Variants in REEP5 observed in about 807,000 individuals in gnomAD.
REEP5 encodes the protein receptor expression-enhancing protein 5.
REEP5 carries 24 observed loss-of-function variants against 22.4 expected under a neutral mutation model. The ratio of observed to expected loss-of-function variants is 1.07; its 90% CI spans 0.78 to 1.51. REEP5 has a LOEUF of 1.51. Among genes scored for constraint, REEP5 ranks in the 40% most tolerant of loss-of-function variants. REEP5 has a pLI of 0.00. For synonymous variants in REEP5, 103 were observed against 88.6 expected, an observed-to-expected ratio of 1.16 and a Z score of -0.92; for missense variants, 252 against 233.0, an observed-to-expected ratio of 1.08 and a Z score of -0.53.
intron 3 of REEP5, among the ~76,000 whole-genome samples, chr5:112,888,969 G>C (rs1271687559): frequency 2.0e-5 from 3 of 150,884 alleles, no homozygotes; most frequent in Non-Finnish European, 2.9e-5. Flanking sequence ...TAGTGAATAA[G>C]TCTCACGAGA....
At chr5:112,902,281 C>T (rs1243024140) in intron 3 of REEP5, 99 bp downstream of exon 3, 40 of 1,235,510 alleles carry the variant, frequency 3.2e-5, no homozygotes, top group Non-Finnish European at 4.4e-5. Context: ...TGTTTATAAT[C>T]TGAGACAGAG....
chr5:112,906,386 G>C (rs768456920), intron 2 of REEP5, among the ~76,000 whole-genome samples: 1 of 152,196 alleles, frequency 6.6e-6, no homozygotes, highest in Non-Finnish European at 1.5e-5. Flanking sequence ...TGGCAAGCTG[G>C]ATAGCACTCA....
At chr5:112,891,754 G>A (rs773520400) in intron 3 of REEP5, 5 of 1,614,118 alleles carry the variant, frequency 3.1e-6, no homozygotes, top group Admixed American at 1.7e-5. Flanking sequence ...ACGTCGGCAG[G>A]AACTTGCTCG....
At chr5:112,911,569 G>A (rs868678075) in intron 2 of REEP5, among the ~76,000 whole-genome samples, 1 of 152,170 alleles carries the variant, frequency 6.6e-6, no homozygotes, top group South Asian at 2.1e-4. Context: ...ACTTTTACAA[G>A]TTCTTAATTC....
intron 4 of REEP5, among the ~76,000 whole-genome samples, chr5:112,879,767 T>C (rs1049371598): frequency 6.6e-6 from 1 of 151,798 alleles, no homozygotes; most frequent in African/African-American, 2.4e-5. Context: ...TAAGCCACCA[T>C]GCCCGGCCTC....
chr5:112,916,168 G>A (rs1343594308), intron 2 of REEP5, among the ~76,000 whole-genome samples: 1 of 152,196 alleles, frequency 6.6e-6, no homozygotes, highest in Admixed American at 6.5e-5. Flanking sequence ...TCCTCCCTTT[G>A]TGTGCTGAGC....
intron 2 of REEP5, among the ~76,000 whole-genome samples, chr5:112,907,205 T>C (rs1246915564): frequency 1.3e-5 from 2 of 152,166 alleles, no homozygotes; most frequent in African/African-American, 4.8e-5. Context: ...CAACAATTCC[T>C]ACCACTCTCT....
At chr5:112,913,536 T>TTAAA (rs1491429859) in intron 2 of REEP5, among the ~76,000 whole-genome samples, 46 of 65,472 alleles carry the variant, frequency 7.0e-4, no homozygotes, top group African/African-American at 2.6e-3. Flanking sequence ...TGACCCTGGC[T>TTAAA]AAAAAAAAAA....
chr5:112,916,104 A>C (rs1417971142), intron 2 of REEP5, among the ~76,000 whole-genome samples: 1 of 152,214 alleles, frequency 6.6e-6, no homozygotes, highest in Non-Finnish European at 1.5e-5. Context: ...CTGTCAATGC[A>C]CACCTTAAGC....
intron 3 of REEP5, among the ~76,000 whole-genome samples, chr5:112,887,530 T>C (rs909380887): frequency 2.6e-5 from 4 of 152,210 alleles, no homozygotes; most frequent in Admixed American, 1.3e-4. Context: ...ATAGTACTTA[T>C]CTGCATGTAT....
intron 2 of REEP5, among the ~76,000 whole-genome samples, chr5:112,918,509 G>A (rs1337334692): frequency 6.6e-6 from 1 of 152,146 alleles, no homozygotes; most frequent in African/African-American, 2.4e-5. Context: ...GATGGCCCAA[G>A]GAGAGGAAAC....
At position 112,878,717 on chromosome 5, in the gene REEP5, G is replaced by T; in HGVS notation, c.*69C>A. On this transcript the variant is annotated 3_prime_UTR_variant, in exon 5 of 5. Coordinates refer to ENST00000379638, the MANE Select transcript of REEP5 (RefSeq NM_005669.5). ...ACATTATTAAAATAATTATACCACA[G>T]TCCCTAATATAACATCAAGCTCCAG... The T allele has an allele frequency of 1.3e-6, 2 of 1,583,066 alleles. No individual in the cohort carries two copies. Among genetic ancestry groups the T allele is most frequent in the Non-Finnish European group, 1.7e-6 (2 of 1,163,444 alleles).
chr5:112,918,557 T>G (rs1440489808), intron 2 of REEP5, among the ~76,000 whole-genome samples: 11 of 152,160 alleles, frequency 7.2e-5, no homozygotes, highest in African/African-American at 2.7e-4. Flanking sequence ...AGGAAGGAAG[T>G]AAATTACTGG....
chr5:112,891,181 T>G (rs1768433615), intron 3 of REEP5, among the ~76,000 whole-genome samples: 1 of 151,998 alleles, frequency 6.6e-6, no homozygotes, highest in African/African-American at 2.4e-5. Context: ...CAAGCAGTTC[T>G]CCTGCCTCAG....
intron 3 of REEP5, chr5:112,894,036 G>A (rs1326024779): frequency 6.6e-6 from 1 of 151,936 alleles, no homozygotes; most frequent in East Asian, 1.9e-4. Context: ...CATAGTGCCA[G>A]TTAATTACAG....
At chr5:112,905,102 A>T (rs983087914) in intron 2 of REEP5, among the ~76,000 whole-genome samples, 1 of 152,220 alleles carries the variant, frequency 6.6e-6, no homozygotes, top group African/African-American at 2.4e-5. Flanking sequence ...TGTTCAATTT[A>T]AAAAATGTCT....
intron 4 of REEP5, among the ~76,000 whole-genome samples, chr5:112,879,445 A>G (rs1768001774): frequency 6.6e-6 from 1 of 152,040 alleles, no homozygotes; most frequent in Non-Finnish European, 1.5e-5. Flanking sequence ...ATTTCCATAT[A>G]ACCTATGTGC....
In REEP5 at chr5:112,890,525, G is replaced by A. The variant is rs920689422; in HGVS notation, c.352-3342C>T. ...CTGAAGACCACAGGCATGCAGGCAC[G>A]CACCATCACGTCTGGCTAATTTTTG... On this transcript the variant is annotated intron_variant, in intron 3 of 4. Transcript: ENST00000379638. 1.3e-5 allele frequency among the ~76,000 whole-genome samples: 2 copies of A among 150,064 alleles called. 1 individual carries two copies. The highest frequency in any genetic ancestry group is 5.0e-5 in the African/African-American group (2 of 40,108).
rs988487229 is a variant in REEP5, at chr5:112,921,917, C to A, written c.118+156G>T. 4.9e-5 allele frequency: 48 copies of A among 976,840 alleles called. No individual in the cohort carries two copies. The African/African-American group carries it at 7.6e-4, about 16-fold the overall frequency. The allele number at this position is 976,840 out of a possible 1,614,324, so 60.5% of individuals were successfully genotyped here. A position where few individuals can be genotyped will look rare whatever the true frequency, so the allele number is the denominator to read the frequency against. ...CCCGCGGGGTCCTCCGATGCCCACG[C>A]TTTCCGGGAGGCCAGCCTGATCCCT... On this transcript the variant is annotated intron_variant, in intron 1 of 4. Transcript: ENST00000379638.
Sources: gnomAD v4.1 joint callset for allele counts (sites outside exome capture counted in the v4.1 genomes callset) on GRCh38, gnomAD v4.1.1 for gene constraint, MANE v1.5 for transcripts, NCBI Gene and HGNC (gene_info 2026-07-23, HGNC 2026-07-21) for gene names.